The following DST variants were observed in gnomAD, a reference collection of about 807,000 sequenced individuals.
DST encodes bullous pemphigoid antigen.
Under a neutral mutation model 875.2 loss-of-function variants are expected in DST, and 253 were observed. The ratio of observed to expected loss-of-function variants is 0.29; its 90% CI spans 0.26 to 0.32. DST has a LOEUF of 0.32. Ranked by LOEUF, DST falls within the 10% of genes least tolerant of loss-of-function variation. DST has a pLI of 1.00. For missense variants in DST, 8,287 were observed against 9,111.6 expected, an observed-to-expected ratio of 0.91 and a Z score of 3.68; for synonymous variants, 3,124 against 3,197.1, an observed-to-expected ratio of 0.98 and a Z score of 0.77.
chr6:56,616,836 C>A, intron 36 of DST: 2 of 1,614,134 alleles, frequency 1.2e-6, no homozygotes, highest in Non-Finnish European at 1.7e-6. Context: ...GCCTTCTCTG[C>A]CTCAAGAAGC....
intron 4 of DST, among the ~76,000 whole-genome samples, chr6:56,764,987 GAGGGAGGGAGGA>G (rs2099629429): frequency 2.1e-5 from 2 of 96,600 alleles, no homozygotes; most frequent in Admixed American, 9.2e-5. Flanking sequence ...GGGAGGGAGG[GAGGGAGGGAGGA>G]AGGGAGGGAG....
intron 2 of DST, among the ~76,000 whole-genome samples, chr6:56,946,184 G>T (rs1053443833): frequency 1.4e-4 from 21 of 152,176 alleles, no homozygotes; most frequent in African/African-American, 5.1e-4. Flanking sequence ...GGGATTAAGA[G>T]GGTGTTGTCT....
At chr6:56,751,382 T>C (rs1334874925) in intron 4 of DST, among the ~76,000 whole-genome samples, 1 of 152,252 alleles carries the variant, frequency 6.6e-6, no homozygotes, top group Non-Finnish European at 1.5e-5. Flanking sequence ...ATGTAGGTGG[T>C]AAGATAATCA....
intron 4 of DST, chr6:56,742,468 C>G: frequency 1.6e-6 from 1 of 628,808 alleles, no homozygotes; most frequent in Non-Finnish European, 2.5e-6. Flanking sequence ...AAGCTGAAAA[C>G]TAGTCAACAC....
At chr6:56,616,736 A>G (rs780009389) in intron 36 of DST, 2 of 1,614,170 alleles carry the variant, frequency 1.2e-6, no homozygotes, top group South Asian at 1.1e-5. Flanking sequence ...GGCTTCCAAG[A>G]TATGTTTACC....
chr6:56,598,481 C>T lies in DST; in HGVS notation c.11923G>A (p.Glu3975Lys), dbSNP rs1360080035. ...VVTTAIKEET[E>K]KVAAVKQLEE... The stretch of plus-strand genomic sequence containing the variant: ...CCACATATTTGAATAAGGACCTTTT[C>T]AGTTTCTTCCTTGATTGCTGTTGTC... The change falls in exon 46 of 104, where the codon GAA (glutamate) becomes AAA (lysine). Residue 3975 changes from glutamate (E) to lysine (K), a missense_variant. This residue lies in a region of DST where 1,513 missense variants were observed against 1,677.8 expected (regional missense o/e 0.90). Coordinates refer to ENST00000680361, the MANE Select transcript of DST (RefSeq NM_001374736.1). 4 of 1,553,564 alleles carry T rather than the reference C, an allele frequency of 2.6e-6. No individual in the cohort carries two copies. Among genetic ancestry groups the T allele is most frequent in the Non-Finnish European group, 3.5e-6 (4 of 1,149,504 alleles).
intron 7 of DST, 57 bp from the exon 8 acceptor site, chr6:56,702,022 A>T (rs1279014812): frequency 1.0e-6 from 1 of 997,692 alleles, no homozygotes; most frequent in Non-Finnish European, 1.6e-6. Flanking sequence ...AGACCATGCT[A>T]ATTTAAATAT....
intron 90 of DST, among the ~76,000 whole-genome samples, chr6:56,478,947 C>T (rs1304362823): frequency 6.6e-6 from 1 of 152,062 alleles, no homozygotes; most frequent in Non-Finnish European, 1.5e-5. Context: ...AAAGCTTCTG[C>T]ACAACAAAAG....
Position 56,670,827 on chromosome 6 carries a change from T to C in DST, c.1048-20A>G. ...AGATATCTAGATATAACAGAAAGTGTTAAACCTTTAGGAAGGAAGGAAGCT... is the reference window on the plus strand; with the variant it reads ...AGATATCTAGATATAACAGAAAGTGCTAAACCTTTAGGAAGGAAGGAAGCT... On this transcript the variant is annotated intron_variant, in intron 9 of 103. Coordinates refer to ENST00000680361, the MANE Select transcript of DST (RefSeq NM_001374736.1). 1 of 1,541,468 alleles carries C rather than the reference T, an allele frequency of 6.5e-7. No homozygotes were observed. The highest frequency in any genetic ancestry group is 2.3e-5 in the East Asian group (1 of 43,118).
chr6:56,609,722 G>A (rs1489560708), intron 39 of DST, among the ~76,000 whole-genome samples: 1 of 152,088 alleles, frequency 6.6e-6, no homozygotes, highest in Non-Finnish European at 1.5e-5. Flanking sequence ...CTAGTGGCAG[G>A]AAAGAGAGTA....
chr6:56,662,777 TA>T (rs1328185515), intron 10 of DST, among the ~76,000 whole-genome samples: 3 of 151,884 alleles, frequency 2.0e-5, no homozygotes, highest in South Asian at 2.1e-4. Flanking sequence ...CTGTCTCTAC[TA>T]AAAATACAAC....
chr6:56,948,771 C>CAT (rs1331920730), intron 2 of DST, among the ~76,000 whole-genome samples: 1 of 152,190 alleles, frequency 6.6e-6, no homozygotes, highest in Non-Finnish European at 1.5e-5. Flanking sequence ...CTTTTCTATA[C>CAT]ATAATTTGTT....
At chr6:56,542,924 G>A (rs987703292) in intron 61 of DST, 20 of 152,426 alleles carry the variant, frequency 1.3e-4, no homozygotes, top group African/African-American at 4.8e-4. Context: ...GGGAGTCGGC[G>A]AGCGGTTTCA....
At chr6:56,502,106 GAAAC>G (rs1201709721) in intron 78 of DST, among the ~76,000 whole-genome samples, 3 of 152,052 alleles carry the variant, frequency 2.0e-5, no homozygotes, top group Non-Finnish European at 4.4e-5. Flanking sequence ...TTCCTGCTCT[GAAAC>G]ACACACACAT....
chr6:56,756,676 T>C (rs529326422), intron 4 of DST, among the ~76,000 whole-genome samples: 1 of 152,302 alleles, frequency 6.6e-6, no homozygotes, highest in East Asian at 1.9e-4. Flanking sequence ...ACCAAGCATT[T>C]TTATCTAAGA....
intron 93 of DST, among the ~76,000 whole-genome samples, chr6:56,473,202 T>A (rs913760751): frequency 1.3e-5 from 2 of 152,144 alleles, no homozygotes; most frequent in Non-Finnish European, 2.9e-5. Context: ...AGTCTGGCTA[T>A]AGGGCTCTTA....
chr6:56,536,862 T>G lies in DST; in HGVS notation c.16687A>C (p.Ser5563Arg). 2 of 1,613,650 alleles carry G rather than the reference T, an allele frequency of 1.2e-6. No individual in the cohort carries two copies. Among genetic ancestry groups the G allele is most frequent in the South Asian group, 2.2e-5 (2 of 90,990 alleles). Residue 5563 changes from serine (S) to arginine (R), a missense_variant, in exon 62 of 104, where the codon AGT becomes CGT. Transcript: ENST00000680361. ...TGAGTGCTAGTGCTTTTGGCAGCAC[T>G]CTGAATAAGGCCTTGACCTAACCAG... ...VNWLGQGLIQ[S>R]AAKSTSTQGL...
At position 56,818,399 on chromosome 6, in the gene DST, T is replaced by C. The variant is rs1358382872; in HGVS notation, c.625+32998A>G. ...ATGGGTGTATATATAACATGGGTAA[T>C]GCATACTGTTTGTATCTTTTATTAT... On this transcript the variant is annotated intron_variant, in intron 4 of 103. Coordinates refer to ENST00000680361, the MANE Select transcript of DST (RefSeq NM_001374736.1). 2.6e-5 allele frequency among the ~76,000 whole-genome samples: 4 copies of C among 152,250 alleles called. No individual in the cohort carries two copies. In the East Asian group the frequency reaches 5.8e-4, roughly 22 times the overall value.
intron 4 of DST, among the ~76,000 whole-genome samples, chr6:56,813,799 C>T (rs966929711): frequency 2.0e-5 from 3 of 152,084 alleles, no homozygotes; most frequent in Non-Finnish European, 4.4e-5. Context: ...TTTTACAGGT[C>T]TATTCCTTCT....
Sources: gnomAD v4.1 joint callset for allele counts (sites outside exome capture counted in the v4.1 genomes callset) on GRCh38, gnomAD v4.1.1 for gene constraint, gnomAD v4.1.1 regional missense constraint, MANE v1.5 for transcripts, NCBI Gene and HGNC (gene_info 2026-07-23, HGNC 2026-07-21) for gene names.